GPR157: variants seen among roughly 807,000 people sequenced by gnomAD.
GPR157 encodes the protein G protein-coupled receptor 157.
In GPR157, 16 loss-of-function variants were observed where a neutral mutation model predicts 23.5. The observed-to-expected ratio is 0.68, with a 90% CI of 0.46 to 1.04. The LOEUF (loss-of-function observed/expected upper bound fraction) is 1.04. Among genes scored for constraint, GPR157 ranks in the 50% least tolerant of loss-of-function variants. The pLI is 0.00. For synonymous variants in GPR157, 200 were observed against 221.5 expected (o/e 0.90, Z 0.86); for missense variants, 440 against 460.7 (o/e 0.96, Z 0.41).
chr1:9,123,402 T>C (rs1638870826), intron 1 of GPR157, among the ~76,000 whole-genome samples: 1 of 105,864 alleles, frequency 9.4e-6, no homozygotes, highest in Non-Finnish European at 1.7e-5. Flanking sequence ...TAAATATATA[T>C]TTAATTTAAA....
rs1437964986 is a variant in GPR157, at chr1:9,111,422, C to T, written c.451G>A (p.Asp151Asn). The T allele has an allele frequency of 1.2e-6, 2 of 1,614,194 alleles. No homozygotes were observed. The highest frequency in any genetic ancestry group is 2.2e-5 in the South Asian group (2 of 91,086). Residue 151 changes from aspartate to asparagine, a missense_variant, in exon 2 of 4, where the codon GAC (aspartate) becomes AAC (asparagine). Physicochemically the swap from Asp to Asn is conservative, Grantham distance 23. Coordinates refer to ENST00000377411, the MANE Select transcript of GPR157 (RefSeq NM_024980.5). ...ATCCAGCACCAGCCCACAGACACGTCCGAGGCGTCATAGCCAATCTTCTTC... is the reference window on the plus strand; with the variant it reads ...ATCCAGCACCAGCCCACAGACACGTTCGAGGCGTCATAGCCAATCTTCTTC... ...ALKKIGYDASDVSVGWCWIDL... is the reference protein window; with the variant it reads ...ALKKIGYDASNVSVGWCWIDL...
Position 9,128,654 on chromosome 1 carries a change from T to G in GPR157, c.374A>C (p.His125Pro), listed in dbSNP as rs368428044. ...CGCCACCGCCACCCACCTGACGACA[T>G]GGAAGGCCCAAAGCAGGCGATCTGT... is the stretch of plus-strand genomic sequence containing the variant. The part of the protein sequence containing the change: ...PRTDRLLWAF[H>P]VVSWGVPLVI... Residue 125 changes from histidine (H) to proline (P), a missense_variant, in exon 1 of 4, where the codon CAT becomes CCT. Physicochemically the swap from His to Pro is moderately conservative, Grantham distance 77. Transcript: ENST00000377411. The surrounding 1 kb of genome is among the most constrained non-coding windows in gnomAD (Gnocchi z 6.3). The G allele has an allele frequency of 9.3e-6, 15 of 1,612,764 alleles. No individual in the cohort carries two copies. The highest frequency in any genetic ancestry group is 1.3e-5 in the Non-Finnish European group (15 of 1,179,798).
chr1:9,106,631 C>G (rs1321582971), intron 2 of GPR157, among the ~76,000 whole-genome samples: 2 of 152,234 alleles, frequency 1.3e-5, no homozygotes, highest in African/African-American at 4.8e-5. Context: ...AGACTTTGCT[C>G]AAGCAGCACC....
chr1:9,111,350 TC>T lies in GPR157; in HGVS notation c.522del (p.Lys175SerfsTer73). On this transcript the variant is annotated frameshift_variant, in exon 2 of 4. Coordinates refer to ENST00000377411, the MANE Select transcript of GPR157 (RefSeq NM_024980.5). LOFTEE classifies it high-confidence loss of function. ...ACATATGCCAGCATCTCCCACAGCT[TC>T]CCCGTCAGCAGCATCCACAGGACAT... ...KDHVLWMLLT[G>X]KLWEMLAYVL... 6.2e-7 allele frequency: 1 copy of T among 1,613,918 alleles called. No homozygotes were observed. The highest frequency in any genetic ancestry group is 8.5e-7 in the Non-Finnish European group (1 of 1,179,972).
At position 9,105,701 on chromosome 1, in the gene GPR157, C is replaced by A; in HGVS notation, c.598-21G>T. 2 of 1,578,788 alleles carry A rather than the reference C, an allele frequency of 1.3e-6. No homozygotes were observed. The highest frequency in any genetic ancestry group is 1.2e-5 in the South Asian group (1 of 85,398). On this transcript the variant is annotated intron_variant, in intron 2 of 3. Coordinates refer to ENST00000377411, the MANE Select transcript of GPR157 (RefSeq NM_024980.5). This position sits in a 1 kb window ranked among gnomAD's most constrained non-coding sequence, Gnocchi z 4.8. ...GTGTGCTGTGTGGGGACAGCGAGGG[C>A]AGACTTGAGTGGATAGGCACCCTCC...
At chr1:9,123,709 T>A (rs1638898818) in intron 1 of GPR157, among the ~76,000 whole-genome samples, 1 of 108,134 alleles carries the variant, frequency 9.2e-6, no homozygotes, top group Non-Finnish European at 1.8e-5. Context: ...TAATTTTAAA[T>A]ATGTATTTAT....
rs1293433327 is a variant in GPR157, at chr1:9,118,620, G to A, written c.384-7131C>T. 6.6e-6 allele frequency among the ~76,000 whole-genome samples: 1 copy of A among 152,198 alleles called. No individual in the cohort carries two copies. Among genetic ancestry groups the A allele is most frequent in the East Asian group, 1.9e-4 (1 of 5,202 alleles). ...GTGTCCCCTACAAATTTCATCTGTT[G>A]AAGTCCTAATCCCCAGAACCTCAGA... On this transcript the variant is annotated intron_variant, in intron 1 of 3. Coordinates refer to ENST00000377411, the MANE Select transcript of GPR157 (RefSeq NM_024980.5). The surrounding 1 kb of genome is among the most constrained non-coding windows in gnomAD (Gnocchi z 4.6).
At chr1:9,113,851 G>T (rs1038247923) in intron 1 of GPR157, among the ~76,000 whole-genome samples, 1 of 151,626 alleles carries the variant, frequency 6.6e-6, no homozygotes, top group South Asian at 2.1e-4. Context: ...CCTGAGGCAG[G>T]AGAATCGCTT....
chr1:9,110,222 G>C (rs1019195093), intron 2 of GPR157, among the ~76,000 whole-genome samples: 1 of 152,122 alleles, frequency 6.6e-6, no homozygotes, highest in Non-Finnish European at 1.5e-5. Context: ...GAGATGCTCG[G>C]TAAAAACATA....
At chr1:9,127,417 A>G (rs1257734867) in intron 1 of GPR157, among the ~76,000 whole-genome samples, 1 of 152,208 alleles carries the variant, frequency 6.6e-6, no homozygotes, top group East Asian at 1.9e-4. Flanking sequence ...CCTTCCAAGT[A>G]CACACGATCT....
chr1:9,119,284 C>T (rs1238645957), intron 1 of GPR157, among the ~76,000 whole-genome samples: 4 of 152,058 alleles, frequency 2.6e-5, no homozygotes, highest in Non-Finnish European at 5.9e-5. Flanking sequence ...CCGCCCACCT[C>T]GGCCTCCCAA....
At position 9,111,934 on chromosome 1, in the gene GPR157, C is replaced by T. The variant is rs193236913; in HGVS notation, c.384-445G>A. Among the ~76,000 whole-genome samples, 1,128 of 152,198 alleles carry T rather than the reference C, an allele frequency of 7.4e-3. 55 individuals carry two copies. In the South Asian group the frequency reaches 0.13, roughly 18 times the overall value. On this transcript the variant is annotated intron_variant, in intron 1 of 3. Coordinates refer to ENST00000377411, the MANE Select transcript of GPR157 (RefSeq NM_024980.5). ...GCAGTGAGCTGAGATTGTGCCATTG[C>T]GTTCCCGCCTGGGTGACAGAGTGAG...
chr1:9,123,173 AAAT>A (rs1228833633), intron 1 of GPR157, among the ~76,000 whole-genome samples: 26 of 124,712 alleles, frequency 2.1e-4, no homozygotes, highest in South Asian at 2.5e-4. Flanking sequence ...GAAAAAAAAA[AAAT>A]ATATATATAT....
Position 9,102,764 on chromosome 1 carries a change from C to T in GPR157, c.*1655G>A, listed in dbSNP as rs951605049. The T allele has an allele frequency of 3.3e-5, 5 of 152,078 alleles. No homozygotes were observed. The highest frequency in any genetic ancestry group is 4.8e-5 in the African/African-American group (2 of 41,390). The allele number at this position is 152,078 out of a possible 1,614,324, so 9.4% of individuals were successfully genotyped here. ...ACAGAAGCTGTTTTCTGAAATAAGA[C>T]GAAAGCGTTTGTGGAAGACCCACAG... is the stretch of plus-strand genomic sequence containing the variant. On this transcript the variant is annotated 3_prime_UTR_variant, in exon 4 of 4. Coordinates refer to ENST00000377411, the MANE Select transcript of GPR157 (RefSeq NM_024980.5).
At chr1:9,108,291 T>C (rs1200632641) in intron 2 of GPR157, among the ~76,000 whole-genome samples, 1 of 152,162 alleles carries the variant, frequency 6.6e-6, no homozygotes, top group African/African-American at 2.4e-5. Context: ...AGCTCACCGA[T>C]TCTTGGCTCA....
chr1:9,105,570 G>A lies in GPR157; in HGVS notation c.708C>T (p.Gly236=), dbSNP rs1638281973. The part of the protein sequence containing the change: ...KLVLIPLIFI[G]LRVWSTVRFV... ...ACCGCACGGTGCTCCAGACCCTGAG[G>A]CCGATGAAGATGAGCGGGATGAGCA... is the stretch of plus-strand genomic sequence containing the variant. The change falls in exon 3 of 4, where the codon GGC becomes GGT. Residue 236 remains glycine, a synonymous_variant. Transcript: ENST00000377411. This position sits in a 1 kb window ranked among gnomAD's most constrained non-coding sequence, Gnocchi z 4.8. 1 of 1,608,736 alleles carries A rather than the reference G, an allele frequency of 6.2e-7. No individual in the cohort carries two copies. Among genetic ancestry groups the A allele is most frequent in the African/African-American group, 1.3e-5 (1 of 74,910 alleles).
intron 2 of GPR157, among the ~76,000 whole-genome samples, chr1:9,106,729 C>T (rs572436020): frequency 2.6e-5 from 4 of 152,254 alleles, no homozygotes; most frequent in South Asian, 2.1e-4. Flanking sequence ...TTTGGGAGGC[C>T]GAGGTGGGTA....
intron 1 of GPR157, among the ~76,000 whole-genome samples, chr1:9,117,230 C>G (rs1238762473): frequency 6.6e-6 from 1 of 152,082 alleles, no homozygotes; most frequent in Non-Finnish European, 1.5e-5. Flanking sequence ...TCGGGTCTCT[C>G]AAGCTGGCTC....
In GPR157 at chr1:9,105,603, C is replaced by T. The variant is rs201326700; in HGVS notation, c.675G>A (p.Lys225=). The change falls in exon 3 of 4, where the codon AAG becomes AAA. Residue 225 remains lysine (K), a synonymous_variant. Transcript: ENST00000377411. This position sits in a 1 kb window ranked among gnomAD's most constrained non-coding sequence, Gnocchi z 4.8. ...RLLRHSSMAD[K]KLVLIPLIFI... Reference sequence around the variant, plus strand: ...AGATGAGCGGGATGAGCACCAGCTTCTTGTCCGCCATGGAGGAGTGGCGCA... The same window carrying T: ...AGATGAGCGGGATGAGCACCAGCTTTTTGTCCGCCATGGAGGAGTGGCGCA... The T allele has an allele frequency of 2.2e-5, 36 of 1,612,420 alleles. No individual in the cohort carries two copies. In the East Asian group the frequency reaches 7.8e-4, roughly 35 times the overall value.
Sources: allele counts gnomAD v4.1 joint callset (sites outside exome capture counted in the v4.1 genomes callset), GRCh38; gene constraint gnomAD v4.1.1; non-coding constraint Gnocchi (gnomAD v3.1); transcripts MANE v1.5; gene names NCBI Gene and HGNC (gene_info 2026-07-23, HGNC 2026-07-21).